Variants in TRAPPC8 observed in about 807,000 individuals in gnomAD.
The protein encoded by TRAPPC8 is general sporulation gene 1 homolog.
Under a neutral mutation model 174.3 loss-of-function variants are expected in TRAPPC8, and 54 were observed. The observed-to-expected ratio is 0.31, with a 90% CI of 0.25 to 0.39. The LOEUF is 0.39. TRAPPC8 is among the 10% of genes least tolerant of loss of function. The probability of loss-of-function intolerance (pLI) is 1.00; values close to 1 mark genes in which losing one functional copy is unlikely to be tolerated. For missense variants in TRAPPC8, 1,531 were observed against 1,699.1 expected, an observed-to-expected ratio of 0.90 and a Z score of 1.74; for synonymous variants, 630 against 579.9, an observed-to-expected ratio of 1.09 and a Z score of -1.24.
At chr18:31,860,468 T>C (rs1427297122) in intron 19 of TRAPPC8, among the ~76,000 whole-genome samples, 2 of 152,202 alleles carry the variant, frequency 1.3e-5, no homozygotes, top group African/African-American at 4.8e-5. Flanking sequence ...ATGACTCTTA[T>C]TTTTATCTTC....
intron 1 of TRAPPC8, among the ~76,000 whole-genome samples, chr18:31,935,096 A>C (rs1261359636): frequency 6.6e-6 from 1 of 151,460 alleles, no homozygotes; most frequent in East Asian, 2.0e-4. Flanking sequence ...TGTAATCCCA[A>C]CACTTTGAGA....
At chr18:31,936,892 A>C (rs2038123365) in intron 1 of TRAPPC8, among the ~76,000 whole-genome samples, 1 of 119,828 alleles carries the variant, frequency 8.3e-6, no homozygotes, top group Admixed American at 1.0e-4. Context: ...ACAGAGCAAG[A>C]CTCCGTCTTT....
In TRAPPC8 at chr18:31,874,724, A is replaced by G; in HGVS notation, c.1729-20T>C. 6.3e-7 allele frequency: 1 copy of G among 1,599,376 alleles called. No homozygotes were observed. Among genetic ancestry groups the G allele is most frequent in the Non-Finnish European group, 8.5e-7 (1 of 1,174,064 alleles). On this transcript the variant is annotated intron_variant, in intron 12 of 28. Transcript: ENST00000283351. ...CTTTTTCTGTAAGAAAATAAACAAA[A>G]TAATGTATTATACTCCAAATTTGTT... is the stretch of plus-strand genomic sequence containing the variant.
intron 26 of TRAPPC8, among the ~76,000 whole-genome samples, chr18:31,841,863 T>A (rs1175369570): frequency 1.3e-5 from 2 of 152,214 alleles, no homozygotes; most frequent in Non-Finnish European, 2.9e-5. Flanking sequence ...TTTCTCTAGC[T>A]GAATGTTTTT....
chr18:31,930,859 T>G (rs530991707), intron 2 of TRAPPC8, among the ~76,000 whole-genome samples: 91 of 152,186 alleles, frequency 6.0e-4, no homozygotes, highest in African/African-American at 1.6e-3. Context: ...AGACCCCCTA[T>G]CTCTATAAAA....
At chr18:31,884,087 G>A (rs1290834885) in intron 12 of TRAPPC8, among the ~76,000 whole-genome samples, 2 of 152,130 alleles carry the variant, frequency 1.3e-5, no homozygotes, top group African/African-American at 4.8e-5. Context: ...TACTCGAGAG[G>A]CTGAGGCAGA....
At chr18:31,928,876 G>T (rs1029825535) in intron 2 of TRAPPC8, among the ~76,000 whole-genome samples, 1 of 151,998 alleles carries the variant, frequency 6.6e-6, no homozygotes, top group Admixed American at 6.5e-5. Flanking sequence ...GTCTACGAGA[G>T]GCCTTAAGAA....
chr18:31,867,028 C>A, intron 17 of TRAPPC8, 53 bp from the exon 18 acceptor site: 1 of 1,575,828 alleles, frequency 6.3e-7, no homozygotes, highest in South Asian at 1.1e-5. Context: ...TCTTAAATAG[C>A]ACAATACCTA....
intron 1 of TRAPPC8, among the ~76,000 whole-genome samples, chr18:31,934,926 G>A (rs1357913530): frequency 6.9e-6 from 1 of 145,484 alleles, no homozygotes; most frequent in East Asian, 2.0e-4. Context: ...CAGCCTGCTG[G>A]GCAACAGAGA....
chr18:31,941,213 C>A (rs62093903), intron 1 of TRAPPC8, among the ~76,000 whole-genome samples: 11 of 152,028 alleles, frequency 7.2e-5, no homozygotes, highest in African/African-American at 2.4e-4. Flanking sequence ...GAGGCCGAGG[C>A]GGGCAGATCA....
Position 31,909,711 on chromosome 18 carries a change from T to C in TRAPPC8, c.821A>G (p.Asp274Gly). Reference protein sequence around the residue: ...PCTITSNKNSDNNLLSLDGLD... With the variant: ...PCTITSNKNSGNNLLSLDGLD... The stretch of plus-strand genomic sequence containing the variant: ...TCCATCCAATGAAAGCAAGTTATTA[T>C]CAGAATTCTTATTTGAAGTTATAGT... The change falls in exon 6 of 29, where the codon GAT becomes GGT. Residue 274 changes from aspartate to glycine, a missense_variant. By Grantham distance (94) the Asp-to-Gly change is moderately conservative (BLOSUM62 -1). Coordinates refer to ENST00000283351, the MANE Select transcript of TRAPPC8 (RefSeq NM_014939.5). 2 of 1,601,398 alleles carry C rather than the reference T, an allele frequency of 1.2e-6. No homozygotes were observed. Among genetic ancestry groups the C allele is most frequent in the Non-Finnish European group, 1.7e-6 (2 of 1,176,644 alleles).
chr18:31,843,554 CTATT>C (rs376712557), intron 26 of TRAPPC8, among the ~76,000 whole-genome samples: 10 of 152,276 alleles, frequency 6.6e-5, no homozygotes, highest in African/African-American at 2.2e-4. Flanking sequence ...TGTGTACTAT[CTATT>C]TGTGTGCAAA....
At chr18:31,927,073 T>C (rs897631542) in intron 2 of TRAPPC8, among the ~76,000 whole-genome samples, 5 of 151,464 alleles carry the variant, frequency 3.3e-5, no homozygotes, top group Admixed American at 6.6e-5. Context: ...TTTAAGTCTT[T>C]TTATCATTTT....
At chr18:31,906,304 G>GAAA (rs560619669) in intron 9 of TRAPPC8, among the ~76,000 whole-genome samples, 2 of 91,184 alleles carry the variant, frequency 2.2e-5, no homozygotes, top group Non-Finnish European at 4.6e-5. Flanking sequence ...CTGTCTCCAG[G>GAAA]AAAAAAAAAA....
At chr18:31,876,510 A>AAAAAAAAAAAAAAAAAAC (rs2035160559) in intron 12 of TRAPPC8, among the ~76,000 whole-genome samples, 2 of 148,632 alleles carry the variant, frequency 1.3e-5, no homozygotes, top group Non-Finnish European at 1.5e-5. Context: ...AAAAAAAAAA[A>AAAAAAAAAAAAAAAAAAC]AAGATCACTT....
At chr18:31,913,839 G>A (rs1185071577) in intron 4 of TRAPPC8, among the ~76,000 whole-genome samples, 1 of 152,058 alleles carries the variant, frequency 6.6e-6, no homozygotes, top group African/African-American at 2.4e-5. Flanking sequence ...AGAGAGCTCT[G>A]GTGGTCAAAC....
intron 4 of TRAPPC8, 135 bp from the exon 5 acceptor site, chr18:31,913,657 G>C: frequency 1.5e-6 from 1 of 653,356 alleles, no homozygotes; most frequent in South Asian, 3.0e-5. Context: ...AAATATAAAA[G>C]AGGACATAAG....
chr18:31,874,225 CTTT>C, intron 13 of TRAPPC8: 2 of 397,186 alleles, frequency 5.0e-6, no homozygotes. Flanking sequence ...CCTGTGGAAT[CTTT>C]TTTTTTTTTA....
chr18:31,881,845 A>T (rs931418583), intron 12 of TRAPPC8, among the ~76,000 whole-genome samples: 3 of 152,186 alleles, frequency 2.0e-5, no homozygotes, highest in African/African-American at 7.2e-5. Context: ...GGTACTTCTC[A>T]AAAGATACAC....
Sources: allele counts gnomAD v4.1 joint callset (sites outside exome capture counted in the v4.1 genomes callset), GRCh38; gene constraint gnomAD v4.1.1; transcripts MANE v1.5; gene names NCBI Gene and HGNC (gene_info 2026-07-23, HGNC 2026-07-21).